The following BAZ2B variants were observed in gnomAD, a reference collection of about 807,000 sequenced individuals.
The protein encoded by BAZ2B is bromodomain adjacent to zinc finger domain 2B.
In BAZ2B, 91 loss-of-function variants were observed where a neutral mutation model predicts 246.0. The observed-to-expected ratio is 0.37, with a 90% CI of 0.31 to 0.44. BAZ2B has a LOEUF of 0.44. BAZ2B is among the 20% of genes least tolerant of loss of function. The pLI is 1.00. For synonymous variants in BAZ2B, 855 were observed against 860.0 expected (o/e 0.99, Z 0.10); for missense variants, 2,332 against 2,533.7 (o/e 0.92, Z 1.71).
rs201725299 is a variant in BAZ2B, at chr2:159,558,682, A to G, written c.-45-2817T>C. Among the ~76,000 whole-genome samples the G allele has an allele frequency of 3.9e-5, 6 of 152,368 alleles. No individual in the cohort carries two copies. In the East Asian group the frequency reaches 1.2e-3, roughly 29 times the overall value. ...TGAAGAAAAAAACAGAACAGCCAGC[A>G]TAATTTGGCAGAGACCTATAAGTAG... On this transcript the variant is annotated intron_variant, in intron 1 of 36. Transcript: ENST00000392783.
At chr2:159,414,323 A>T (rs990716636) in intron 13 of BAZ2B, among the ~76,000 whole-genome samples, 1 of 152,208 alleles carries the variant, frequency 6.6e-6, no homozygotes, top group Non-Finnish European at 1.5e-5. Context: ...GTTATAAAAA[A>T]TATGTGGGTA....
chr2:159,527,658 A>G (rs2084905519), intron 2 of BAZ2B, among the ~76,000 whole-genome samples: 1 of 152,234 alleles, frequency 6.6e-6, no homozygotes, highest in South Asian at 2.1e-4. Context: ...CAGGACTTCA[A>G]CTACTTTGTC....
intron 1 of BAZ2B, among the ~76,000 whole-genome samples, chr2:159,603,264 C>A (rs1692607578): frequency 6.6e-6 from 1 of 152,154 alleles, no homozygotes; most frequent in Non-Finnish European, 1.5e-5. Flanking sequence ...AGCTAATAAA[C>A]AACGGAGAAT....
At chr2:159,600,669 C>A (rs1691921108) in intron 1 of BAZ2B, among the ~76,000 whole-genome samples, 1 of 152,104 alleles carries the variant, frequency 6.6e-6, no homozygotes, top group Non-Finnish European at 1.5e-5. Context: ...TATGCATATG[C>A]CCTAAGAGGG....
intron 2 of BAZ2B, among the ~76,000 whole-genome samples, chr2:159,530,966 AAAACAAAC>A (rs143825565): frequency 6.6e-6 from 1 of 151,692 alleles, no homozygotes; most frequent in African/African-American, 2.4e-5. Flanking sequence ...ACTCCGTCTC[AAAACAAAC>A]AAACAAACAA....
At chr2:159,405,246 C>G in intron 14 of BAZ2B, 132 bp from the exon 15 acceptor site, 3 of 784,728 alleles carry the variant, frequency 3.8e-6, no homozygotes, top group Non-Finnish European at 5.9e-6. Flanking sequence ...AAGTCTCGCT[C>G]TGTTGCCCAG....
At chr2:159,476,935 AG>A (rs909956468) in intron 3 of BAZ2B, among the ~76,000 whole-genome samples, 1 of 152,238 alleles carries the variant, frequency 6.6e-6, no homozygotes, top group Admixed American at 6.5e-5. Flanking sequence ...TTTGCGTATA[AG>A]GGAAATGTGA....
rs76497799 is a variant in BAZ2B, at chr2:159,463,064, C to T, written c.146-9263G>A. On this transcript the variant is annotated intron_variant, in intron 3 of 36. Coordinates refer to ENST00000392783, the MANE Select transcript of BAZ2B (RefSeq NM_013450.4). ...TGATCTTCACATCCTTCCATCTTCA[C>T]GGGTGTGAACTGATCCATGTTATAA... The T allele has an allele frequency of 2.1e-4, 148 of 717,474 alleles. 1 individual carries two copies. Among genetic ancestry groups the T allele is most frequent in the African/African-American group, 1.6e-3 (90 of 57,176 alleles). The allele number at this position is 717,474 out of a possible 1,614,324, so 44.4% of individuals were successfully genotyped here. A position where few individuals can be genotyped will look rare whatever the true frequency, so the allele number is the denominator to read the frequency against.
chr2:159,443,763 A>G (rs1364705121), intron 6 of BAZ2B, among the ~76,000 whole-genome samples: 1 of 152,114 alleles, frequency 6.6e-6, no homozygotes, highest in Non-Finnish European at 1.5e-5. Context: ...AACTGGGTAG[A>G]AAGAGGTGCC....
chr2:159,497,529 G>A (rs1167497749), intron 2 of BAZ2B, among the ~76,000 whole-genome samples: 1 of 152,160 alleles, frequency 6.6e-6, no homozygotes, highest in East Asian at 1.9e-4. Context: ...AAGGAGACAA[G>A]AGTTGGCCAG....
chr2:159,323,815 A>G (rs2063067641), intron 36 of BAZ2B, among the ~76,000 whole-genome samples: 1 of 151,828 alleles, frequency 6.6e-6, no homozygotes, highest in Non-Finnish European at 1.5e-5. Context: ...AAAAAAAAAA[A>G]AGAACAAACA....
At chr2:159,436,168 G>A (rs1294950170) in intron 8 of BAZ2B, among the ~76,000 whole-genome samples, 7 of 152,020 alleles carry the variant, frequency 4.6e-5, no homozygotes, top group African/African-American at 1.7e-4. Flanking sequence ...TTTATAGGTA[G>A]TAAGTTTTCC....
At chr2:159,600,010 G>A (rs1046712099) in intron 1 of BAZ2B, among the ~76,000 whole-genome samples, 1 of 151,952 alleles carries the variant, frequency 6.6e-6, no homozygotes, top group African/African-American at 2.4e-5. Context: ...TACTATAGTA[G>A]GTAAAATCTC....
intron 6 of BAZ2B, among the ~76,000 whole-genome samples, chr2:159,446,314 C>T (rs73967872): frequency 0.021 from 3,227 of 152,232 alleles, 117 homozygotes; most frequent in African/African-American, 0.069. Context: ...GGCCATGATG[C>T]GACAACTGTT....
chr2:159,510,045 C>A (rs1208649517), intron 2 of BAZ2B, among the ~76,000 whole-genome samples: 1 of 151,666 alleles, frequency 6.6e-6, no homozygotes, highest in Non-Finnish European at 1.5e-5. Context: ...ATAAGCCCAA[C>A]CCAAAAAAGG....
chr2:159,710,781 G>A, the BAZ2B span: 2 of 152,138 alleles, frequency 1.3e-5, no homozygotes, highest in Non-Finnish European at 2.9e-5. Context: ...CACCATCCTT[G>A]CCAGGTTTGG....
upstream of BAZ2B, among the ~76,000 whole-genome samples, chr2:159,618,168 C>G (rs1696276937): frequency 2.0e-5 from 3 of 152,162 alleles, no homozygotes; most frequent in Non-Finnish European, 4.4e-5. Flanking sequence ...CTACACCACA[C>G]TCAGTAATTT....
At chr2:159,605,217 A>G in intron 1 of BAZ2B, among the ~76,000 whole-genome samples, 1 of 151,632 alleles carries the variant, frequency 6.6e-6, no homozygotes, top group Non-Finnish European at 1.5e-5. Flanking sequence ...AATTTTGTGT[A>G]GAGACCAAGA....
chr2:159,503,979 A>G (rs771241161), intron 2 of BAZ2B, among the ~76,000 whole-genome samples: 1 of 152,204 alleles, frequency 6.6e-6, no homozygotes, highest in Non-Finnish European at 1.5e-5. Context: ...TTTTGCTTTA[A>G]TGTTTTCTGA....
Sources: gnomAD v4.1 joint callset for allele counts (sites outside exome capture counted in the v4.1 genomes callset) on GRCh38, gnomAD v4.1.1 for gene constraint, MANE v1.5 for transcripts, NCBI Gene and HGNC (gene_info 2026-07-23, HGNC 2026-07-21) for gene names.